The following POLR3B variants were observed in gnomAD, a reference collection of about 807,000 sequenced individuals.
The protein encoded by POLR3B is RNA polymerase III subunit B.
Under a neutral mutation model 147.4 loss-of-function variants are expected in POLR3B, and 96 were observed. That is an observed-to-expected ratio of 0.65 (90% CI 0.55 to 0.77). The LOEUF is 0.77. Among genes scored for constraint, POLR3B ranks in the 30% least tolerant of loss-of-function variants. The pLI is 0.00. For synonymous variants in POLR3B, 461 were observed against 485.9 expected, an observed-to-expected ratio of 0.95 and a Z score of 0.67; for missense variants, 1,036 against 1,413.5, an observed-to-expected ratio of 0.73 and a Z score of 4.28.
In POLR3B at chr12:106,419,794, CTT is replaced by C. The variant is rs56756383; in HGVS notation, c.1102-7383_1102-7382del. Among the ~76,000 whole-genome samples, 5 of 88,954 alleles carry C rather than the reference CTT, an allele frequency of 5.6e-5. No individual in the cohort carries two copies. In the South Asian group the frequency reaches 1.5e-3, roughly 27 times the overall value. 58.4% of individuals were successfully genotyped at this position (88,954 alleles called of 152,430 possible). ...ATAGTGAGCCAGATATTTAGTTTTG[CTT>C]TTTTTTTTTTTTTTTTTTTAATGAA... On this transcript the variant is annotated intron_variant, in intron 12 of 27. Transcript: ENST00000228347.
intron 12 of POLR3B, among the ~76,000 whole-genome samples, chr12:106,421,969 GGATTAC>G (rs2037379713): frequency 6.6e-6 from 1 of 152,190 alleles, no homozygotes; most frequent in Non-Finnish European, 1.5e-5. Flanking sequence ...CAAAGTGCTA[GGATTAC>G]AGGCATGAGC....
intron 8 of POLR3B, among the ~76,000 whole-genome samples, chr12:106,379,037 ACTTTT>A (rs1159806052): frequency 1.3e-5 from 2 of 152,172 alleles, no homozygotes; most frequent in Admixed American, 6.5e-5. Context: ...GAATTTCTGT[ACTTTT>A]CTTTCTGATG....
Position 106,455,330 on chromosome 12 carries a change from C to T in POLR3B, c.2293+619C>T, listed in dbSNP as rs150271414. ...TAATCTCGATTTCTCTTTTTCCTTC[C>T]TGGCGTACCCACTATGCCTTCCCCT... On this transcript the variant is annotated intron_variant, in intron 20 of 27. Coordinates refer to ENST00000228347, the MANE Select transcript of POLR3B (RefSeq NM_018082.6). 6.7e-3 allele frequency among the ~76,000 whole-genome samples: 1,017 copies of T among 152,248 alleles called. 5 individuals carry two copies. Among genetic ancestry groups the T allele is most frequent in the Middle Eastern group, 0.02 (6 of 294 alleles).
At chr12:106,474,895 T>G (rs1191678929) in intron 23 of POLR3B, among the ~76,000 whole-genome samples, 1 of 150,878 alleles carries the variant, frequency 6.6e-6, no homozygotes, top group Non-Finnish European at 1.5e-5. Context: ...AGTTATTTCT[T>G]GCCTTCTGCT....
chr12:106,371,359 A>G (rs1210844434), intron 6 of POLR3B, among the ~76,000 whole-genome samples: 3 of 152,186 alleles, frequency 2.0e-5, no homozygotes, highest in Admixed American at 2.0e-4. Context: ...AACTAGTTCA[A>G]TCATTGTGGA....
At chr12:106,471,789 T>A (rs1255598015) in intron 23 of POLR3B, among the ~76,000 whole-genome samples, 2 of 152,280 alleles carry the variant, frequency 1.3e-5, no homozygotes, top group East Asian at 3.9e-4. Context: ...TTCTCTACTG[T>A]TGATGGATTG....
At chr12:106,369,538 T>C in intron 5 of POLR3B, 45 bp from the exon 6 acceptor site, 1 of 1,297,300 alleles carries the variant, frequency 7.7e-7, no homozygotes, top group Non-Finnish European at 1.1e-6. Flanking sequence ...CAGGACCCTG[T>C]TGCAGAGAGG....
intron 23 of POLR3B, among the ~76,000 whole-genome samples, chr12:106,491,781 T>C (rs893142212): frequency 2.0e-5 from 3 of 152,076 alleles, no homozygotes; most frequent in African/African-American, 7.2e-5. Context: ...CTATCTGGAG[T>C]TGGGGCCCTG....
chr12:106,360,999 TAGA>T (rs2036462759), intron 1 of POLR3B, among the ~76,000 whole-genome samples: 1 of 152,012 alleles, frequency 6.6e-6, no homozygotes. Context: ...GCATTCCAGA[TAGA>T]AGGAGGAGGC....
intron 23 of POLR3B, among the ~76,000 whole-genome samples, chr12:106,469,776 C>T (rs1350607596): frequency 2.0e-5 from 3 of 152,150 alleles, no homozygotes; most frequent in African/African-American, 4.8e-5. Context: ...TGAATATTGG[C>T]GCCTACTCTC....
chr12:106,440,890 C>T (rs1283051129), intron 18 of POLR3B, among the ~76,000 whole-genome samples: 1 of 152,018 alleles, frequency 6.6e-6, no homozygotes, highest in Non-Finnish European at 1.5e-5. Context: ...TCAGCGTTAC[C>T]CAATTACCAA....
chr12:106,393,227 C>T (rs2036935809), intron 10 of POLR3B, 74 bp downstream of exon 10: 19 of 1,579,104 alleles, frequency 1.2e-5, no homozygotes, highest in South Asian at 7.8e-5. Flanking sequence ...TAAAGCTCAT[C>T]GGATGTGATG....
chr12:106,429,073 T>C (rs1003608524), intron 13 of POLR3B, among the ~76,000 whole-genome samples: 14 of 152,236 alleles, frequency 9.2e-5, no homozygotes, highest in Non-Finnish European at 1.5e-4. Context: ...TCCTGGCTTT[T>C]ATTGGGTCCT....
intron 1 of POLR3B, among the ~76,000 whole-genome samples, chr12:106,359,248 CAAGTT>C (rs904002520): frequency 3.3e-5 from 5 of 151,372 alleles, no homozygotes; most frequent in African/African-American, 4.9e-5. Context: ...AATAGTTTGA[CAAGTT>C]AAGGAAGTTG....
intron 9 of POLR3B, among the ~76,000 whole-genome samples, chr12:106,390,226 AAAAAAAAGCAAAAC>A (rs1178060161): frequency 4.7e-5 from 7 of 149,474 alleles, no homozygotes; most frequent in Admixed American, 3.3e-4. Context: ...TCTGAAAAAA[AAAAAAAAGCAAAAC>A]AAAAAAACAA....
chr12:106,476,655 G>A lies in POLR3B; in HGVS notation c.2713+13035G>A, dbSNP rs1212675118. On this transcript the variant is annotated intron_variant, in intron 23 of 27. Transcript: ENST00000228347. ...CTGATACCCTTTCTTCCAGTTGATC[G>A]CATCAGCTCCTGAGGCTTCTGCATT... Among the ~76,000 whole-genome samples the A allele has an allele frequency of 2.4e-3, 351 of 145,270 alleles. 3 individuals carry two copies. Among genetic ancestry groups the A allele is most frequent in the Admixed American group, 1.1e-3 (16 of 14,652 alleles).
chr12:106,504,751 C>T lies in POLR3B; in HGVS notation c.3272+497C>T, dbSNP rs907673805. Among the ~76,000 whole-genome samples the T allele has an allele frequency of 6.6e-6, 1 of 152,192 alleles. No homozygotes were observed. On this transcript the variant is annotated intron_variant, in intron 27 of 27. Coordinates refer to ENST00000228347, the MANE Select transcript of POLR3B (RefSeq NM_018082.6). This position sits in a 1 kb window ranked among gnomAD's most constrained non-coding sequence, Gnocchi z 4.6. Reference sequence around the variant, plus strand: ...TGCCCCCTTGTCTGTACTCTCTCTGCCATGGCTAGCTGCTTCACACTTGTA... The same window carrying T: ...TGCCCCCTTGTCTGTACTCTCTCTGTCATGGCTAGCTGCTTCACACTTGTA...
At position 106,430,191 on chromosome 12, in the gene POLR3B, T is replaced by C. The variant is rs758444098; in HGVS notation, c.1264-82T>C. ...TTTCGTAAGCATGAAGCTCCTGTAA[T>C]GAACTTCTTGGAGTGACCGCACGGT... On this transcript the variant is annotated intron_variant, in intron 13 of 27. Coordinates refer to ENST00000228347, the MANE Select transcript of POLR3B (RefSeq NM_018082.6). 5.9e-4 allele frequency: 580 copies of C among 982,922 alleles called. 3 individuals carry two copies. Among genetic ancestry groups the C allele is most frequent in the Middle Eastern group, 2.8e-4 (1 of 3,584 alleles). The allele number at this position is 982,922 out of a possible 1,614,324, so 60.9% of individuals were successfully genotyped here. A position where few individuals can be genotyped will look rare whatever the true frequency, so the allele number is the denominator to read the frequency against.
chr12:106,469,285 TGCTTTCCA>T (rs2038054186), intron 23 of POLR3B, among the ~76,000 whole-genome samples: 1 of 149,434 alleles, frequency 6.7e-6, no homozygotes, highest in African/African-American at 2.5e-5. Context: ...TTTTTTTTTT[TGCTTTCCA>T]TTTGCTTGGT....
Sources: allele counts gnomAD v4.1 joint callset (sites outside exome capture counted in the v4.1 genomes callset), GRCh38; gene constraint gnomAD v4.1.1; non-coding constraint Gnocchi (gnomAD v3.1); transcripts MANE v1.5; gene names NCBI Gene and HGNC (gene_info 2026-07-23, HGNC 2026-07-21).